Variants in SOX5 observed in about 807,000 individuals in gnomAD.
SOX5 encodes transcription factor SOX-5.
A neutral mutation model predicts 92.0 loss-of-function variants in SOX5; 9 were observed. That is an observed-to-expected ratio of 0.10 (90% confidence interval 0.06 to 0.17). SOX5 has a LOEUF of 0.17. Among genes scored for constraint, SOX5 ranks in the 10% least tolerant of loss-of-function variants. The probability of loss-of-function intolerance (pLI) is 1.00; values close to 1 mark genes in which losing one functional copy is unlikely to be tolerated. For synonymous variants in SOX5, 344 were observed against 336.3 expected (o/e 1.02, Z -0.25); for missense variants, 642 against 944.5 (o/e 0.68, Z 4.20).
chr12:24,308,733 C>T (rs778632842), intron 2 of SOX5, among the ~76,000 whole-genome samples: 5 of 152,228 alleles, frequency 3.3e-5, no homozygotes, highest in African/African-American at 4.8e-5. Flanking sequence ...CTTCCCAGCA[C>T]ACCCATAGAC....
chr12:23,600,517 G>A (rs1225028618), intron 9 of SOX5, among the ~76,000 whole-genome samples: 1 of 25,160 alleles, frequency 4.0e-5, no homozygotes, highest in African/African-American at 1.9e-4. Context: ...ATGGCGGGGG[G>A]GGTGCATATA....
intron 4 of SOX5, among the ~76,000 whole-genome samples, chr12:23,984,292 G>A (rs1245551756): frequency 6.6e-6 from 1 of 152,142 alleles, no homozygotes; most frequent in East Asian, 1.9e-4. Context: ...GCTACAACAG[G>A]AGCAAGTTTA....
intron 3 of SOX5, among the ~76,000 whole-genome samples, chr12:23,804,916 TATATA>T (rs1488766463): frequency 0.034 from 113 of 3,290 alleles, 1 homozygote; most frequent in African/African-American, 0.054. Context: ...ATCATTGTTT[TATATA>T]TATATATATA....
At chr12:24,154,501 A>G (rs1008178733) in intron 4 of SOX5, among the ~76,000 whole-genome samples, 4 of 152,144 alleles carry the variant, frequency 2.6e-5, no homozygotes, top group Non-Finnish European at 5.9e-5. Flanking sequence ...GGCTCATACC[A>G]CTTTTAAAAG....
chr12:24,491,829 T>C (rs1000332082), intron 1 of SOX5, among the ~76,000 whole-genome samples: 2 of 152,166 alleles, frequency 1.3e-5, no homozygotes, highest in South Asian at 4.1e-4. Flanking sequence ...TTTTTACTGT[T>C]GTAGGAATAT....
intron 4 of SOX5, among the ~76,000 whole-genome samples, chr12:24,209,047 T>C (rs1176383139): frequency 6.6e-6 from 1 of 151,798 alleles, no homozygotes; most frequent in Non-Finnish European, 1.5e-5. Flanking sequence ...ATGAAGGGAG[T>C]GGTAGCTAAA....
At chr12:24,242,338 C>A (rs10842296) in intron 3 of SOX5, among the ~76,000 whole-genome samples, 1 of 151,924 alleles carries the variant, frequency 6.6e-6, no homozygotes, top group Non-Finnish European at 1.5e-5. Flanking sequence ...AATTTCTTGC[C>A]TGAAAGGTAT....
At chr12:24,000,573 T>C (rs1010444313) in intron 4 of SOX5, among the ~76,000 whole-genome samples, 1 of 152,128 alleles carries the variant, frequency 6.6e-6, no homozygotes, top group Admixed American at 6.5e-5. Context: ...TGTTTGTGTA[T>C]AGTAAGTAAA....
In SOX5 at chr12:23,665,541, T is replaced by C. The variant is rs1371609977; in HGVS notation, c.834A>G (p.Leu278=). 2.5e-6 allele frequency: 4 copies of C among 1,613,258 alleles called. No homozygotes were observed. The highest frequency in any genetic ancestry group is 3.4e-6 in the Non-Finnish European group (4 of 1,179,492). ...QIQVQGQLPP[L]MIPVFPPDQR... ...GATCAGGAGGGAATACGGGAATCAT[T>C]AATGGCGGCAGCTGACCTTGAACCT... Residue 278 remains leucine (L), a synonymous_variant, in exon 7 of 15, where the codon TTA becomes TTG. Coordinates refer to ENST00000451604, the MANE Select transcript of SOX5 (RefSeq NM_006940.6).
chr12:23,929,406 A>G (rs1006428366), intron 1 of SOX5, among the ~76,000 whole-genome samples: 3 of 151,990 alleles, frequency 2.0e-5, no homozygotes, highest in Non-Finnish European at 2.9e-5. Context: ...GAATAAAAAC[A>G]TTCTGTGCTG....
intron 1 of SOX5, among the ~76,000 whole-genome samples, chr12:24,436,800 G>C (rs746447728): frequency 9.2e-5 from 14 of 152,182 alleles, no homozygotes; most frequent in Non-Finnish European, 8.8e-5. Context: ...CAAAGAACAG[G>C]TTGACTCTCT....
Position 23,551,608 on chromosome 12 carries a change from A to G in SOX5, c.1489-5184T>C, listed in dbSNP as rs1944236190. The stretch of plus-strand genomic sequence containing the variant: ...TTTTACCTCCATCAAGTATGAATTT[A>G]TCCGTGAGAATAGCCATAGACCCTT... On this transcript the variant is annotated intron_variant, in intron 11 of 14. Transcript: ENST00000451604. Among the ~76,000 whole-genome samples the G allele has an allele frequency of 1.3e-5, 2 of 151,928 alleles. 1 individual carries two copies. The highest frequency in any genetic ancestry group is 4.1e-4 in the South Asian group (2 of 4,836).
At chr12:24,112,682 A>C (rs994427950) in intron 4 of SOX5, among the ~76,000 whole-genome samples, 3 of 151,568 alleles carry the variant, frequency 2.0e-5, no homozygotes, top group Admixed American at 1.3e-4. Flanking sequence ...AGGCATGTGC[A>C]ACTGCCCAGC....
intron 4 of SOX5, among the ~76,000 whole-genome samples, chr12:24,141,908 G>T (rs1950622423): frequency 6.6e-6 from 1 of 152,132 alleles, no homozygotes; most frequent in Admixed American, 6.6e-5. Context: ...TTATATTCGG[G>T]TATGATGGTC....
intron 6 of SOX5, among the ~76,000 whole-genome samples, chr12:23,730,059 G>C (rs1479453): frequency 0.73 from 110,485 of 151,958 alleles, 40,290 homozygotes; most frequent in Non-Finnish European, 0.76. Context: ...GTGAAACAGT[G>C]AATCAGGTCA....
At chr12:23,757,819 C>A (rs980929063) in intron 3 of SOX5, among the ~76,000 whole-genome samples, 1 of 151,708 alleles carries the variant, frequency 6.6e-6, no homozygotes, top group African/African-American at 2.4e-5. Context: ...TGCAGCTAGA[C>A]AAAATATTCA....
intron 1 of SOX5, among the ~76,000 whole-genome samples, chr12:23,906,325 C>A (rs1340751451): frequency 1.3e-5 from 2 of 152,168 alleles, no homozygotes; most frequent in Non-Finnish European, 1.5e-5. Flanking sequence ...AGAATGTATA[C>A]TTTTTAAGGA....
intron 2 of SOX5, among the ~76,000 whole-genome samples, chr12:24,345,104 A>G (rs968338012): frequency 1.3e-5 from 2 of 152,206 alleles, no homozygotes. Flanking sequence ...TCCTGAGGAT[A>G]TATGGTGGTG....
chr12:23,765,416 T>G, intron 3 of SOX5, among the ~76,000 whole-genome samples: 1 of 87,078 alleles, frequency 1.1e-5, no homozygotes, highest in Non-Finnish European at 2.5e-5. Context: ...AAAAAAGAGT[T>G]TTCCTTGGAA....
Sources: gnomAD v4.1 joint callset for allele counts (sites outside exome capture counted in the v4.1 genomes callset) on GRCh38, gnomAD v4.1.1 for gene constraint, MANE v1.5 for transcripts, NCBI Gene and HGNC (gene_info 2026-07-23, HGNC 2026-07-21) for gene names.